The following LHFPL3 variants were observed in gnomAD, a reference collection of about 807,000 sequenced individuals.
LHFPL3 encodes LHFPL tetraspan subfamily member 3 protein.
LHFPL3 carries 5 observed loss-of-function variants against 19.3 expected under a neutral mutation model. The observed-to-expected ratio is 0.26, with a 90% CI of 0.14 to 0.54. LHFPL3 has a LOEUF of 0.54. Among genes scored for constraint, LHFPL3 ranks in the 20% least tolerant of loss-of-function variants. The probability of loss-of-function intolerance (pLI) is 0.94; values close to 1 mark genes in which losing one functional copy is unlikely to be tolerated. For synonymous variants in LHFPL3, 133 were observed against 126.2 expected, an observed-to-expected ratio of 1.05 and a Z score of -0.36; for missense variants, 249 against 307.4, an observed-to-expected ratio of 0.81 and a Z score of 1.42.
intron 1 of LHFPL3, among the ~76,000 whole-genome samples, chr7:104,442,786 T>C (rs1474005431): frequency 6.6e-6 from 1 of 152,204 alleles, no homozygotes. Context: ...GAGTTTTGGG[T>C]GGCGACTTTT....
intron 2 of LHFPL3, among the ~76,000 whole-genome samples, chr7:104,855,061 G>A (rs866730532): frequency 1.3e-5 from 2 of 152,182 alleles, no homozygotes; most frequent in African/African-American, 4.8e-5. Context: ...CTTATCCCAG[G>A]TTTGCAAATT....
chr7:104,511,944 C>CTTTT (rs58712044), intron 1 of LHFPL3, among the ~76,000 whole-genome samples: 21 of 111,968 alleles, frequency 1.9e-4, no homozygotes, highest in African/African-American at 3.9e-4. Context: ...CTTTCCTTTT[C>CTTTT]TTTTTTTTTT....
chr7:104,338,709 T>TTTTTTTTTTTTTTTGAGAC (rs1789886792), intron 1 of LHFPL3, among the ~76,000 whole-genome samples: 1 of 152,220 alleles, frequency 6.6e-6, no homozygotes, highest in African/African-American at 2.4e-5. Context: ...TGACTTTTAT[T>TTTTTTTTTTTTTTTGAGAC]GCTAATGTAT....
intron 1 of LHFPL3, among the ~76,000 whole-genome samples, chr7:104,340,536 C>G (rs1019570130): frequency 3.3e-5 from 5 of 152,122 alleles, no homozygotes; most frequent in African/African-American, 1.2e-4. Context: ...CTAAAGAGAT[C>G]AGGGCCAGAG....
intron 1 of LHFPL3, among the ~76,000 whole-genome samples, chr7:104,732,248 T>C (rs1793718622): frequency 6.6e-6 from 1 of 152,250 alleles, no homozygotes; most frequent in African/African-American, 2.4e-5. Flanking sequence ...TAAAATGAGT[T>C]AGGGAGGATT....
chr7:104,420,242 CTAGTAG>C (rs1295514845), intron 1 of LHFPL3, among the ~76,000 whole-genome samples: 7 of 152,226 alleles, frequency 4.6e-5, no homozygotes, highest in Admixed American at 1.3e-4. Context: ...GAGGGCCACA[CTAGTAG>C]TGGAGACCCG....
intron 2 of LHFPL3, among the ~76,000 whole-genome samples, chr7:104,838,165 G>A (rs1791132961): frequency 1.3e-5 from 2 of 152,144 alleles, no homozygotes; most frequent in African/African-American, 4.8e-5. Context: ...GATACGGCTG[G>A]TAAAGATATA....
At chr7:104,841,770 G>C (rs984545393) in intron 2 of LHFPL3, among the ~76,000 whole-genome samples, 1 of 152,058 alleles carries the variant, frequency 6.6e-6, no homozygotes, top group African/African-American at 2.4e-5. Flanking sequence ...TGAGTTCTAT[G>C]TTCCCCTTAC....
intron 1 of LHFPL3, among the ~76,000 whole-genome samples, chr7:104,404,112 A>C (rs1791371151): frequency 2.0e-5 from 3 of 152,210 alleles, no homozygotes; most frequent in Admixed American, 1.3e-4. Context: ...AGCCCTTTAC[A>C]GAAAAAACTT....
intron 2 of LHFPL3, among the ~76,000 whole-genome samples, chr7:104,755,781 T>G (rs927905704): frequency 6.6e-6 from 1 of 152,188 alleles, no homozygotes; most frequent in Non-Finnish European, 1.5e-5. Context: ...CCACAACCTC[T>G]GCCTCCTGGG....
chr7:104,549,491 T>C, intron 1 of LHFPL3, among the ~76,000 whole-genome samples: 1 of 83,934 alleles, frequency 1.2e-5, no homozygotes, highest in Non-Finnish European at 2.9e-5. Context: ...ACACACACAC[T>C]TATGTATACA....
chr7:104,839,881 G>A (rs1425498442), intron 2 of LHFPL3, among the ~76,000 whole-genome samples: 3 of 151,990 alleles, frequency 2.0e-5, no homozygotes, highest in Non-Finnish European at 4.4e-5. Flanking sequence ...GGGTGGTCCT[G>A]GATCATGAGT....
In LHFPL3 at chr7:104,629,533, C is replaced by T. The variant is rs373712128; in HGVS notation, c.446-107142C>T. Among the ~76,000 whole-genome samples the T allele has an allele frequency of 7.2e-4, 110 of 152,284 alleles. 2 individuals carry two copies. In the South Asian group the frequency reaches 0.013, roughly 18 times the overall value. ...CATTTCTCTTGATGCCCTTTTCACC[C>T]GGAAATGGAAGCTGGTTAGCAGGCC... On this transcript the variant is annotated intron_variant, in intron 1 of 2. Transcript: ENST00000424859.
intron 2 of LHFPL3, among the ~76,000 whole-genome samples, chr7:104,748,609 T>C (rs975564503): frequency 2.0e-5 from 3 of 150,056 alleles, no homozygotes; most frequent in Admixed American, 1.3e-4. Context: ...ACATTGTCTA[T>C]GATGCAAAGA....
intron 1 of LHFPL3, among the ~76,000 whole-genome samples, chr7:104,520,184 T>A (rs1466213838): frequency 6.6e-6 from 1 of 152,166 alleles, no homozygotes; most frequent in Non-Finnish European, 1.5e-5. Flanking sequence ...CAAAGGCCTT[T>A]TCTGCATCTA....
intron 1 of LHFPL3, among the ~76,000 whole-genome samples, chr7:104,726,170 A>G (rs1235007495): frequency 6.6e-6 from 1 of 151,814 alleles, no homozygotes; most frequent in East Asian, 1.9e-4. Context: ...ACTAGATTTG[A>G]GACTGTGATA....
intron 1 of LHFPL3, among the ~76,000 whole-genome samples, chr7:104,332,257 TCTCG>T (rs1318753793): frequency 1.5e-5 from 2 of 131,956 alleles, no homozygotes; most frequent in African/African-American, 5.7e-5. Flanking sequence ...TGAGATGGAG[TCTCG>T]CTCTGTCACC....
At chr7:104,503,006 A>C (rs1053140254) in intron 1 of LHFPL3, among the ~76,000 whole-genome samples, 1 of 152,162 alleles carries the variant, frequency 6.6e-6, no homozygotes, top group Non-Finnish European at 1.5e-5. Context: ...AAATTTTCCA[A>C]ACTCTCGACC....
chr7:104,667,960 C>T, intron 1 of LHFPL3: 2 of 1,613,404 alleles, frequency 1.2e-6, no homozygotes, highest in Non-Finnish European at 1.7e-6. Flanking sequence ...ATTGACCGTT[C>T]CATCCTTCCC....
Sources: allele counts gnomAD v4.1 joint callset (sites outside exome capture counted in the v4.1 genomes callset), GRCh38; gene constraint gnomAD v4.1.1; transcripts MANE v1.5; gene names NCBI Gene and HGNC (gene_info 2026-07-23, HGNC 2026-07-21).